Variants in KCNK2 observed in about 807,000 individuals in gnomAD.
KCNK2 encodes the protein potassium two pore domain channel subfamily K member 2.
KCNK2 carries 21 observed loss-of-function variants against 40.5 expected under a neutral mutation model. That is an observed-to-expected ratio of 0.52 (90% CI 0.37 to 0.75). KCNK2 has a LOEUF of 0.75. KCNK2 is among the 30% of genes least tolerant of loss of function. KCNK2 has a pLI of 0.00. For missense variants in KCNK2, 399 were observed against 531.6 expected (o/e 0.75, Z 2.45); for synonymous variants, 191 against 202.2 (o/e 0.94, Z 0.47).
At chr1:215,199,753 T>C (rs1047951480) in intron 6 of KCNK2, among the ~76,000 whole-genome samples, 1 of 152,166 alleles carries the variant, frequency 6.6e-6, no homozygotes, top group Admixed American at 6.5e-5. Flanking sequence ...ACAATAATAC[T>C]GCTACCTGAG....
intron 1 of KCNK2, among the ~76,000 whole-genome samples, chr1:215,035,950 G>T (rs1203714447): frequency 2.0e-5 from 3 of 151,488 alleles, no homozygotes; most frequent in Admixed American, 2.0e-4. Context: ...AATATATTCT[G>T]AGTATTTGTC....
rs971700374 is a variant in KCNK2, at chr1:215,199,563, A to T, written c.963+4471A>T. Reference sequence around the variant, plus strand: ...TAATTTTCCAGTTTTCCATGGAAACATATGCATTTCTGTAAAAGCATTTCT... The same window carrying T: ...TAATTTTCCAGTTTTCCATGGAAACTTATGCATTTCTGTAAAAGCATTTCT... On this transcript the variant is annotated intron_variant, in intron 6 of 6. Transcript: ENST00000444842. Among the ~76,000 whole-genome samples, 5 of 152,320 alleles carry T rather than the reference A, an allele frequency of 3.3e-5. No homozygotes were observed. In the South Asian group the frequency reaches 1.0e-3, roughly 32 times the overall value.
intron 1 of KCNK2, among the ~76,000 whole-genome samples, chr1:215,014,497 G>A (rs1383076197): frequency 6.6e-6 from 1 of 151,808 alleles, no homozygotes; most frequent in Non-Finnish European, 1.5e-5. Flanking sequence ...TAAATTAACA[G>A]AGAGAAATTA....
chr1:215,064,641 G>T (rs1048363436), intron 1 of KCNK2, among the ~76,000 whole-genome samples: 3 of 152,098 alleles, frequency 2.0e-5, no homozygotes, highest in African/African-American at 7.2e-5. Context: ...ACCATGGCTT[G>T]CTGGCACCTG....
intron 1 of KCNK2, among the ~76,000 whole-genome samples, chr1:215,075,174 G>T (rs1283773898): frequency 6.6e-6 from 1 of 152,068 alleles, no homozygotes; most frequent in Non-Finnish European, 1.5e-5. Context: ...ATAAAGCAAA[G>T]ACCATTGTTT....
At chr1:215,091,932 G>T (rs929056899) in intron 2 of KCNK2, among the ~76,000 whole-genome samples, 1 of 152,128 alleles carries the variant, frequency 6.6e-6, no homozygotes, top group East Asian at 1.9e-4. Flanking sequence ...GTGATGTCAG[G>T]CAGGTAATGG....
intron 2 of KCNK2, among the ~76,000 whole-genome samples, chr1:215,124,014 G>A (rs1661311202): frequency 6.6e-6 from 1 of 152,156 alleles, no homozygotes; most frequent in Non-Finnish European, 1.5e-5. Flanking sequence ...CAGAGCTTTG[G>A]TGATTCTTAT....
intron 2 of KCNK2, among the ~76,000 whole-genome samples, chr1:215,099,588 G>A (rs1660124656): frequency 6.6e-6 from 1 of 151,860 alleles, no homozygotes; most frequent in Non-Finnish European, 1.5e-5. Flanking sequence ...TGTATTCTTT[G>A]GTGATGCGGC....
At chr1:215,046,052 G>C (rs553607147) in intron 1 of KCNK2, among the ~76,000 whole-genome samples, 50 of 152,210 alleles carry the variant, frequency 3.3e-4, no homozygotes, top group African/African-American at 1.2e-3. Flanking sequence ...GAAAAATCTG[G>C]TATAACAAGA....
At chr1:215,022,141 A>G (rs1453543874) in intron 1 of KCNK2, among the ~76,000 whole-genome samples, 19 of 151,954 alleles carry the variant, frequency 1.3e-4, no homozygotes, top group Non-Finnish European at 7.4e-5. Flanking sequence ...TCATCTATCT[A>G]TCTAATCCAT....
At chr1:215,072,345 G>T (rs1476545649) in intron 1 of KCNK2, among the ~76,000 whole-genome samples, 1 of 152,230 alleles carries the variant, frequency 6.6e-6, no homozygotes, top group Non-Finnish European at 1.5e-5. Flanking sequence ...TGAGAAGCAA[G>T]TTATGTCTTA....
chr1:215,093,915 A>C (rs1433244634), intron 2 of KCNK2, among the ~76,000 whole-genome samples: 3 of 114,664 alleles, frequency 2.6e-5, no homozygotes, highest in Admixed American at 1.3e-4. Flanking sequence ...TATATTATAT[A>C]TAAAAATATA....
At chr1:215,219,670 A>G (rs895017588) in intron 6 of KCNK2, among the ~76,000 whole-genome samples, 1 of 152,094 alleles carries the variant, frequency 6.6e-6, no homozygotes, top group Non-Finnish European at 1.5e-5. Flanking sequence ...TATTTAATGC[A>G]TATTTTTTTT....
chr1:215,122,383 C>T (rs924665836), intron 2 of KCNK2, among the ~76,000 whole-genome samples: 1 of 151,944 alleles, frequency 6.6e-6, no homozygotes, highest in African/African-American at 2.4e-5. Flanking sequence ...ACTACAAAAA[C>T]ATTTAAAAGA....
At chr1:215,160,592 T>G (rs1663150127) in intron 3 of KCNK2, among the ~76,000 whole-genome samples, 1 of 152,160 alleles carries the variant, frequency 6.6e-6, no homozygotes, top group Non-Finnish European at 1.5e-5. Context: ...TATTCAACCT[T>G]TCAAAAATAG....
In KCNK2 at chr1:215,229,588, CAGG is replaced by C. The variant is rs1247528342; in HGVS notation, c.964-5236_964-5234del. 2.0e-5 allele frequency among the ~76,000 whole-genome samples: 3 copies of C among 151,798 alleles called. No homozygotes were observed. In the East Asian group the frequency reaches 5.8e-4, roughly 30 times the overall value. On this transcript the variant is annotated intron_variant, in intron 6 of 6. Coordinates refer to ENST00000444842, the MANE Select transcript of KCNK2 (RefSeq NM_001017425.3). ...CTAAGCCAGGAGGATTGCTTGAGCCCAGGAGGTCAAGGCTGCAGTGAGCCATGA... is the reference window on the plus strand; with the variant it reads ...CTAAGCCAGGAGGATTGCTTGAGCCCAGGTCAAGGCTGCAGTGAGCCATGA...
In KCNK2 at chr1:215,200,326, T is replaced by C. The variant is rs140973857; in HGVS notation, c.963+5234T>C. 2.6e-5 allele frequency among the ~76,000 whole-genome samples: 4 copies of C among 152,350 alleles called. No homozygotes were observed. In the East Asian group the frequency reaches 7.7e-4, roughly 29 times the overall value. On this transcript the variant is annotated intron_variant, in intron 6 of 6. Transcript: ENST00000444842. ...CCTGGTGGCAGCATTTGGTCTCCTC[T>C]AAATTTCACTCTGGGTGGCAATGAC...
intron 6 of KCNK2, among the ~76,000 whole-genome samples, chr1:215,229,532 G>C (rs4593794): frequency 0.054 from 8,265 of 151,912 alleles, 688 homozygotes; most frequent in African/African-American, 0.19. Flanking sequence ...GGGCATGGGA[G>C]CATGCACCAT....
intron 3 of KCNK2, among the ~76,000 whole-genome samples, chr1:215,161,028 T>G (rs1019207494): frequency 6.6e-6 from 1 of 152,150 alleles, no homozygotes; most frequent in Non-Finnish European, 1.5e-5. Flanking sequence ...AGATCATCCA[T>G]TACTCATATC....
Sources: gnomAD v4.1 joint callset for allele counts (sites outside exome capture counted in the v4.1 genomes callset) on GRCh38, gnomAD v4.1.1 for gene constraint, MANE v1.5 for transcripts, NCBI Gene and HGNC (gene_info 2026-07-23, HGNC 2026-07-21) for gene names.